Variants in ARID3B observed in about 807,000 individuals in gnomAD.
The protein encoded by ARID3B is AT-rich interaction domain 3B.
Under a neutral mutation model 51.9 loss-of-function variants are expected in ARID3B, and 10 were observed. The observed-to-expected ratio is 0.19, with a 90% CI of 0.12 to 0.33. ARID3B has a LOEUF of 0.33. Among genes scored for constraint, ARID3B ranks in the 10% least tolerant of loss-of-function variants. The pLI, the probability that ARID3B is intolerant of heterozygous loss-of-function variation, is 1.00. For synonymous variants in ARID3B, 205 were observed against 279.5 expected, an observed-to-expected ratio of 0.73 and a Z score of 2.66; for missense variants, 483 against 716.3, an observed-to-expected ratio of 0.67 and a Z score of 3.72.
chr15:74,595,213 T>A (rs534815691), intron 8 of ARID3B, among the ~76,000 whole-genome samples: 20 of 149,652 alleles, frequency 1.3e-4, no homozygotes, highest in East Asian at 5.8e-4. Flanking sequence ...TTAAAAAAAA[T>A]TTTTATAGAG....
At chr15:74,580,138 C>T (rs1417362088) in intron 4 of ARID3B, among the ~76,000 whole-genome samples, 1 of 152,080 alleles carries the variant, frequency 6.6e-6, no homozygotes, top group Non-Finnish European at 1.5e-5. Flanking sequence ...TTGCAGTGAG[C>T]CAGGATTGCA....
intron 4 of ARID3B, among the ~76,000 whole-genome samples, chr15:74,582,295 G>T (rs192143422): frequency 4.4e-4 from 67 of 152,078 alleles, no homozygotes; most frequent in African/African-American, 1.5e-3. Context: ...AGCCTCCCGA[G>T]TAGCTGGGAT....
intron 8 of ARID3B, among the ~76,000 whole-genome samples, chr15:74,594,328 G>A (rs1210576410): frequency 2.0e-5 from 3 of 152,150 alleles, no homozygotes; most frequent in Non-Finnish European, 2.9e-5. Flanking sequence ...GGTGCCTGTA[G>A]TCCCAGCTAC....
Position 74,597,584 on chromosome 15 carries a change from A to C in ARID3B, c.*1810A>C. On this transcript the variant is annotated 3_prime_UTR_variant, in exon 9 of 9. Coordinates refer to ENST00000346246, the MANE Select transcript of ARID3B (RefSeq NM_006465.4). The stretch of plus-strand genomic sequence containing the variant: ...TGGCCTCAGCCTGCAGGGTGTGGGC[A>C]GAGAAGGGCATCTGGGACGTGGTGC... The C allele has an allele frequency of 1.9e-6, 1 of 535,336 alleles. No individual in the cohort carries two copies. The highest frequency in any genetic ancestry group is 1.5e-5 in the South Asian group (1 of 65,172). The allele number at this position is 535,336 out of a possible 1,614,324, so 33.2% of individuals were successfully genotyped here. A position where few individuals can be genotyped will look rare whatever the true frequency, so the allele number is the denominator to read the frequency against.
rs994670302 is a variant in ARID3B, at chr15:74,597,268, G to C, written c.*1494G>C. 3.1e-5 allele frequency: 12 copies of C among 386,158 alleles called. No individual in the cohort carries two copies. Among genetic ancestry groups the C allele is most frequent in the African/African-American group, 2.5e-4 (12 of 48,606 alleles). The allele number at this position is 386,158 out of a possible 1,614,324, so 23.9% of individuals were successfully genotyped here. ...ATTGATTCGCTTGCGGCTCACCTCA[G>C]TCGAGGAAGCCCTGGAATGTTCAGC... On this transcript the variant is annotated 3_prime_UTR_variant, in exon 9 of 9. Coordinates refer to ENST00000346246, the MANE Select transcript of ARID3B (RefSeq NM_006465.4).
At chr15:74,563,881 T>G (rs2061687957) in intron 2 of ARID3B, among the ~76,000 whole-genome samples, 1 of 152,214 alleles carries the variant, frequency 6.6e-6, no homozygotes, top group Admixed American at 6.5e-5. Context: ...CTGGGAAGTC[T>G]TCTTGATCAT....
At chr15:74,568,811 C>T (rs548413136) in intron 2 of ARID3B, among the ~76,000 whole-genome samples, 203 of 152,318 alleles carry the variant, frequency 1.3e-3, no homozygotes, top group Non-Finnish European at 2.5e-3. Context: ...ACTCTGGCTA[C>T]TGTTGACTTC....
chr15:74,567,386 G>A (rs2061703050), intron 2 of ARID3B, among the ~76,000 whole-genome samples: 1 of 151,656 alleles, frequency 6.6e-6, no homozygotes, highest in African/African-American at 2.4e-5. Context: ...TGCTATATGT[G>A]TTCAGTTTGT....
At chr15:74,589,006 G>A (rs1440211365) in intron 4 of ARID3B, among the ~76,000 whole-genome samples, 3 of 146,944 alleles carry the variant, frequency 2.0e-5, no homozygotes, top group African/African-American at 2.5e-5. Flanking sequence ...GCAGGCATGT[G>A]CAAACAAGCA....
chr15:74,581,175 G>A lies in ARID3B; in HGVS notation c.697+7971G>A, dbSNP rs145082900. 7.1e-4 allele frequency among the ~76,000 whole-genome samples: 108 copies of A among 152,254 alleles called. 1 individual carries two copies. The highest frequency in any genetic ancestry group is 2.3e-3 in the African/African-American group (97 of 41,544). On this transcript the variant is annotated intron_variant, in intron 4 of 8. Transcript: ENST00000346246. ...CCCTCACTTGTAGACCTGCCCTCCC[G>A]CCCCCATCAGTTCTCTTCAAGGCTG...
intron 2 of ARID3B, among the ~76,000 whole-genome samples, chr15:74,547,128 C>T: frequency 6.6e-6 from 1 of 151,946 alleles, no homozygotes; most frequent in Non-Finnish European, 1.5e-5. Context: ...ATTACAAAGA[C>T]CTTTACAATT....
intron 4 of ARID3B, chr15:74,575,000 C>CA (rs907146055): frequency 0.034 from 1,751 of 52,202 alleles, 17 homozygotes; most frequent in Middle Eastern, 0.049. Flanking sequence ...GACTCCATCT[C>CA]AAAAAAAAAA....
intron 2 of ARID3B, among the ~76,000 whole-genome samples, chr15:74,568,119 T>TA (rs888511350): frequency 1.1e-4 from 16 of 152,180 alleles, no homozygotes; most frequent in Admixed American, 9.8e-4. Context: ...AGTTAGCAAT[T>TA]CTTATTTCAG....
At chr15:74,547,809 G>A (rs968909371) in intron 2 of ARID3B, among the ~76,000 whole-genome samples, 4 of 152,188 alleles carry the variant, frequency 2.6e-5, no homozygotes, top group Non-Finnish European at 2.9e-5. Context: ...GCATAGCTTG[G>A]CAAACCAACA....
At chr15:74,547,331 TTTTTTA>T (rs947149687) in intron 2 of ARID3B, among the ~76,000 whole-genome samples, 1 of 152,062 alleles carries the variant, frequency 6.6e-6, no homozygotes, top group African/African-American at 2.4e-5. Context: ...GCTAATTTAT[TTTTTTA>T]TTTTTATTTA....
At chr15:74,547,840 G>A (rs572084982) in intron 2 of ARID3B, among the ~76,000 whole-genome samples, 3 of 152,232 alleles carry the variant, frequency 2.0e-5, no homozygotes, top group Non-Finnish European at 2.9e-5. Context: ...GAAGTATTTT[G>A]CAAGATTTTG....
chr15:74,559,186 C>G (rs111803959), intron 2 of ARID3B, among the ~76,000 whole-genome samples: 3 of 152,192 alleles, frequency 2.0e-5, no homozygotes, highest in African/African-American at 7.2e-5. Flanking sequence ...GAACCCTATT[C>G]GGGTCATGTT....
chr15:74,555,420 G>C (rs1157442198), intron 2 of ARID3B, among the ~76,000 whole-genome samples: 3 of 151,942 alleles, frequency 2.0e-5, no homozygotes, highest in Admixed American at 6.6e-5. Context: ...GCCTCGACCT[G>C]TTGGGCTCAT....
chr15:74,550,953 C>T (rs767044571), intron 2 of ARID3B, among the ~76,000 whole-genome samples: 3 of 152,184 alleles, frequency 2.0e-5, no homozygotes, highest in Non-Finnish European at 4.4e-5. Flanking sequence ...CTTTTTGAAG[C>T]TACCGTCGTC....
Sources: gnomAD v4.1 joint callset for allele counts (sites outside exome capture counted in the v4.1 genomes callset) on GRCh38, gnomAD v4.1.1 for gene constraint, MANE v1.5 for transcripts, NCBI Gene and HGNC (gene_info 2026-07-23, HGNC 2026-07-21) for gene names.